Variants in SMAP1 observed in about 807,000 individuals in gnomAD.
The protein encoded by SMAP1 is small ArfGAP 1.
A neutral mutation model predicts 58.5 loss-of-function variants in SMAP1; 24 were observed. That is an observed-to-expected ratio of 0.41 (90% CI 0.30 to 0.58). The LOEUF is 0.58. Ranked by LOEUF, SMAP1 falls within the 20% of genes least tolerant of loss-of-function variation. The pLI is 0.29. For synonymous variants in SMAP1, 216 were observed against 196.6 expected (o/e 1.10, Z -0.82); for missense variants, 563 against 566.3 (o/e 0.99, Z 0.06).
intron 4 of SMAP1, among the ~76,000 whole-genome samples, chr6:70,790,635 GA>G (rs952606429): frequency 6.6e-6 from 1 of 152,006 alleles, no homozygotes; most frequent in African/African-American, 2.4e-5. Flanking sequence ...TAAGCAAGGA[GA>G]AAAAAATTCC....
chr6:70,773,924 C>T (rs539879353), intron 4 of SMAP1, among the ~76,000 whole-genome samples: 1 of 152,212 alleles, frequency 6.6e-6, no homozygotes, highest in South Asian at 2.1e-4. Flanking sequence ...CATCAGGTAC[C>T]CATAACAAGG....
chr6:70,793,501 A>G (rs1768457813), intron 5 of SMAP1, among the ~76,000 whole-genome samples: 1 of 152,126 alleles, frequency 6.6e-6, no homozygotes, highest in Non-Finnish European at 1.5e-5. Flanking sequence ...GAAAAGAAGG[A>G]ACAGGTTTGA....
intron 2 of SMAP1, among the ~76,000 whole-genome samples, chr6:70,733,900 T>G (rs1351940731): frequency 6.6e-6 from 1 of 152,182 alleles, no homozygotes; most frequent in East Asian, 1.9e-4. Context: ...GCAAATTATT[T>G]GAGATGGGCA....
chr6:70,759,994 G>A, intron 3 of SMAP1: 2 of 290,242 alleles, frequency 6.9e-6, no homozygotes, highest in Non-Finnish European at 1.4e-5. Flanking sequence ...GAGTGGGGTG[G>A]GAAGGATGAG....
chr6:70,806,143 C>T (rs1209166454), intron 6 of SMAP1, among the ~76,000 whole-genome samples: 1 of 152,222 alleles, frequency 6.6e-6, no homozygotes, highest in Non-Finnish European at 1.5e-5. Context: ...GTGAGCCTTG[C>T]TGAGCTGCGG....
chr6:70,852,627 C>T lies in SMAP1; in HGVS notation c.752C>T (p.Ser251Phe), dbSNP rs1203341697. Residue 251 changes from serine (S) to phenylalanine (F), a missense_variant, in exon 8 of 11, where the codon TCT becomes TTT. Transcript: ENST00000370455. Reference sequence around the variant, plus strand: ...CTGGACATCTTTGGACCGATGATTTCTAATCCCTTACCTGCAACTGTCATG... The same window carrying T: ...CTGGACATCTTTGGACCGATGATTTTTAATCCCTTACCTGCAACTGTCATG... ...DDLDIFGPMI[S>F]NPLPATVMPP... The T allele has an allele frequency of 6.2e-7, 1 of 1,609,642 alleles. No homozygotes were observed. Among genetic ancestry groups the T allele is most frequent in the Non-Finnish European group, 8.5e-7 (1 of 1,177,790 alleles).
intron 10 of SMAP1, chr6:70,858,485 G>A: frequency 3.1e-6 from 1 of 321,348 alleles, no homozygotes; most frequent in South Asian, 4.7e-5. Flanking sequence ...AAATTGTAAT[G>A]TAACTGTAAC....
chr6:70,731,951 G>T (rs1314693640), intron 1 of SMAP1, among the ~76,000 whole-genome samples: 2 of 151,856 alleles, frequency 1.3e-5, no homozygotes, highest in East Asian at 3.9e-4. Context: ...GCATTGGGCT[G>T]GTTGTCTTTT....
At chr6:70,802,531 C>G (rs919964970) in intron 6 of SMAP1, among the ~76,000 whole-genome samples, 1 of 152,150 alleles carries the variant, frequency 6.6e-6, no homozygotes, top group African/African-American at 2.4e-5. Flanking sequence ...CTGGCCAGAA[C>G]TTCCAACACT....
At chr6:70,693,579 G>A (rs1227042460) in intron 1 of SMAP1, among the ~76,000 whole-genome samples, 3 of 152,114 alleles carry the variant, frequency 2.0e-5, no homozygotes, top group African/African-American at 7.2e-5. Flanking sequence ...TGGGATTACA[G>A]GCATGAGCCA....
rs1184033123 is a variant in SMAP1 at position 70,770,677 on chromosome 6, C to G, written c.339-2673C>G. Among the ~76,000 whole-genome samples, 4 of 152,154 alleles carry G rather than the reference C, an allele frequency of 2.6e-5. No individual in the cohort carries two copies. In the East Asian group the frequency reaches 5.8e-4, roughly 22 times the overall value. The stretch of plus-strand genomic sequence containing the variant: ...GAATTTTTTTCACAGTTTTCAACTT[C>G]TTTGCCTTTGGTTTGAATTTCCTCT... On this transcript the variant is annotated intron_variant, in intron 3 of 10. Transcript: ENST00000370455.
chr6:70,731,445 T>C (rs1451370354), intron 1 of SMAP1, among the ~76,000 whole-genome samples: 2 of 152,206 alleles, frequency 1.3e-5, no homozygotes, highest in Non-Finnish European at 2.9e-5. Context: ...TATATGCGTA[T>C]TATATGTTAC....
chr6:70,810,385 C>CA (rs1166022545), intron 6 of SMAP1, among the ~76,000 whole-genome samples: 1 of 152,102 alleles, frequency 6.6e-6, no homozygotes, highest in Non-Finnish European at 1.5e-5. Context: ...TAAGAAGTCA[C>CA]AAAATCCATG....
At chr6:70,705,886 G>A (rs1263578143) in intron 1 of SMAP1, among the ~76,000 whole-genome samples, 3 of 152,118 alleles carry the variant, frequency 2.0e-5, no homozygotes, top group Admixed American at 6.5e-5. Flanking sequence ...AGCCATAAGC[G>A]TCTGATTGAT....
At chr6:70,804,571 G>A (rs932340387) in intron 6 of SMAP1, among the ~76,000 whole-genome samples, 1 of 152,124 alleles carries the variant, frequency 6.6e-6, no homozygotes. Context: ...ACCTTTAATT[G>A]ATGCAGTTTC....
intron 6 of SMAP1, among the ~76,000 whole-genome samples, chr6:70,826,955 A>AG (rs1562188646): frequency 2.8e-5 from 4 of 140,804 alleles, no homozygotes; most frequent in South Asian, 2.3e-4. Context: ...AAAAAAAAAA[A>AG]AAAAAGAAAA....
intron 1 of SMAP1, among the ~76,000 whole-genome samples, chr6:70,700,217 G>A (rs530434248): frequency 3.3e-5 from 5 of 152,252 alleles, no homozygotes; most frequent in East Asian, 3.9e-4. Flanking sequence ...ACCTTCTGTC[G>A]TGAGTAAAAG....
At chr6:70,803,694 A>G (rs1196631091) in intron 6 of SMAP1, among the ~76,000 whole-genome samples, 1 of 152,092 alleles carries the variant, frequency 6.6e-6, no homozygotes, top group Admixed American at 6.6e-5. Flanking sequence ...GGTACGTTCT[A>G]TCTTTGTTCT....
chr6:70,844,609 T>A lies in SMAP1; in HGVS notation c.664+7581T>A, dbSNP rs1770921260. Among the ~76,000 whole-genome samples the A allele has an allele frequency of 2.0e-5, 3 of 152,352 alleles. No individual in the cohort carries two copies. The South Asian group carries it at 6.2e-4, about 32-fold the overall frequency. On this transcript the variant is annotated intron_variant, in intron 7 of 10. Coordinates refer to ENST00000370455, the MANE Select transcript of SMAP1 (RefSeq NM_001044305.3). The stretch of plus-strand genomic sequence containing the variant: ...CAAATTAGCCTAAATACTATTTAAC[T>A]GTATAAAAAATTAACTGAAAAATAA...
Sources: allele counts gnomAD v4.1 joint callset (sites outside exome capture counted in the v4.1 genomes callset), GRCh38; gene constraint gnomAD v4.1.1; transcripts MANE v1.5; gene names NCBI Gene and HGNC (gene_info 2026-07-23, HGNC 2026-07-21).